Variants in AGAP1 observed in about 807,000 individuals in gnomAD.
AGAP1 encodes the protein ArfGAP with GTPase domain, ankyrin repeat and PH domain 1.
In AGAP1, 29 loss-of-function variants were observed where a neutral mutation model predicts 105.3. The ratio of observed to expected loss-of-function variants is 0.28; its 90% confidence interval spans 0.21 to 0.38. AGAP1 has a LOEUF of 0.38. AGAP1 is among the 10% of genes least tolerant of loss of function. The pLI, the probability that AGAP1 is intolerant of heterozygous loss-of-function variation, is 1.00. For synonymous variants in AGAP1, 509 were observed against 485.9 expected (o/e 1.05, Z -0.63); for missense variants, 998 against 1,165.1 (o/e 0.86, Z 2.09).
Position 235,845,307 on chromosome 2 carries a change from G to A in AGAP1, c.1050+37976G>A, listed in dbSNP as rs1373353042. ...CTGAGTCTGTAACTAATCCAGCTCAGACCACATGTATGGTGTGCTCAGGGG... is the reference window on the plus strand; with the variant it reads ...CTGAGTCTGTAACTAATCCAGCTCAAACCACATGTATGGTGTGCTCAGGGG... On this transcript the variant is annotated intron_variant, in intron 9 of 17. Coordinates refer to ENST00000304032, the MANE Select transcript of AGAP1 (RefSeq NM_001037131.3). The surrounding 1 kb of genome is among the most constrained non-coding windows in gnomAD (Gnocchi z 4.8). Among the ~76,000 whole-genome samples, 1 of 152,156 alleles carries A rather than the reference G, an allele frequency of 6.6e-6. No homozygotes were observed. Among genetic ancestry groups the A allele is most frequent in the African/African-American group, 2.4e-5 (1 of 41,452 alleles).
intron 1 of AGAP1, among the ~76,000 whole-genome samples, chr2:235,685,765 C>T (rs1346118047): frequency 6.6e-6 from 1 of 152,080 alleles, no homozygotes; most frequent in African/African-American, 2.4e-5. Context: ...CTCAGTTAAT[C>T]TTGAAAGTTT....
chr2:235,731,333 G>A (rs915827538), intron 3 of AGAP1, among the ~76,000 whole-genome samples: 1 of 152,176 alleles, frequency 6.6e-6, no homozygotes, highest in African/African-American at 2.4e-5. Context: ...TCTGACTTTA[G>A]GAACATGCCA....
rs60330965 is a variant in AGAP1 at position 235,581,134 on chromosome 2, C to CAA, written c.163+86309_163+86310dup. 4.0e-3 allele frequency among the ~76,000 whole-genome samples: 352 copies of CAA among 88,190 alleles called. 4 individuals carry two copies. Among genetic ancestry groups the CAA allele is most frequent in the African/African-American group, 0.014 (330 of 24,352 alleles). 57.9% of individuals were successfully genotyped at this position (88,190 alleles called of 152,430 possible). ...CAACATGGTGAAACCCCATCTCAAGCAAAAAAAAAAAAAAAAAAAAAAAAA... is the reference window on the plus strand; with the variant it reads ...CAACATGGTGAAACCCCATCTCAAGCAAAAAAAAAAAAAAAAAAAAAAAAAAA... On this transcript the variant is annotated intron_variant, in intron 1 of 17. Coordinates refer to ENST00000304032, the MANE Select transcript of AGAP1 (RefSeq NM_001037131.3).
intron 16 of AGAP1, among the ~76,000 whole-genome samples, chr2:236,117,892 G>T (rs2059808744): frequency 6.6e-6 from 1 of 152,096 alleles, no homozygotes; most frequent in Non-Finnish European, 1.5e-5. Context: ...TGCCCGAGTG[G>T]GGTGCAGGGG....
At chr2:235,827,789 A>G (rs902582726) in intron 9 of AGAP1, among the ~76,000 whole-genome samples, 4 of 152,236 alleles carry the variant, frequency 2.6e-5, no homozygotes, top group African/African-American at 9.6e-5. Context: ...TACTGGAGAA[A>G]TGTAGGCCTT....
chr2:236,125,124 CT>C lies in AGAP1; in HGVS notation c.*1006del. Reference sequence around the variant, plus strand: ...CCGACTGTAAGAGATATTTGATGTCCTTTTGCCGAGGTGGATGTGTTAGTCT... The same window carrying C: ...CCGACTGTAAGAGATATTTGATGTCCTTTGCCGAGGTGGATGTGTTAGTCT... On this transcript the variant is annotated 3_prime_UTR_variant, in exon 18 of 18. Coordinates refer to ENST00000304032, the MANE Select transcript of AGAP1 (RefSeq NM_001037131.3). This position sits in a 1 kb window ranked among gnomAD's most constrained non-coding sequence, Gnocchi z 5.2. 6.1e-6 allele frequency: 1 copy of C among 163,620 alleles called. No individual in the cohort carries two copies. The allele number at this position is 163,620 out of a possible 1,614,324, so 10.1% of individuals were successfully genotyped here.
chr2:235,652,974 G>A lies in AGAP1; in HGVS notation c.164-56205G>A, dbSNP rs549495467. On this transcript the variant is annotated intron_variant, in intron 1 of 17. Coordinates refer to ENST00000304032, the MANE Select transcript of AGAP1 (RefSeq NM_001037131.3). The stretch of plus-strand genomic sequence containing the variant: ...GGGGGACAGAGCCAGACTCTGTCTC[G>A]AAAAACAAGAACGATACCAGTAGGT... Among the ~76,000 whole-genome samples, 15 of 152,114 alleles carry A rather than the reference G, an allele frequency of 9.9e-5. No homozygotes were observed. The South Asian group carries it at 1.5e-3, about 15-fold the overall frequency.
intron 1 of AGAP1, among the ~76,000 whole-genome samples, chr2:235,606,309 G>C (rs1467253154): frequency 2.0e-5 from 3 of 152,190 alleles, no homozygotes. Context: ...ACCGCTGAGA[G>C]CCGATCATGT....
chr2:235,733,310 A>T lies in AGAP1; in HGVS notation c.311-7653A>T, dbSNP rs1952056604. 6.6e-6 allele frequency among the ~76,000 whole-genome samples: 1 copy of T among 152,160 alleles called. No homozygotes were observed. Among genetic ancestry groups the T allele is most frequent in the African/African-American group, 2.4e-5 (1 of 41,444 alleles). ...CCATTCCTCAGTCAGGAGACGAAAA[A>T]GATGAGGCCACGGCTGCCCCTTCTG... On this transcript the variant is annotated intron_variant, in intron 3 of 17. Coordinates refer to ENST00000304032, the MANE Select transcript of AGAP1 (RefSeq NM_001037131.3). The surrounding 1 kb of genome is among the most constrained non-coding windows in gnomAD (Gnocchi z 5.0).
intron 1 of AGAP1, among the ~76,000 whole-genome samples, chr2:235,511,117 C>G (rs1370772468): frequency 2.0e-5 from 3 of 152,110 alleles, no homozygotes; most frequent in African/African-American, 4.8e-5. Flanking sequence ...TGGCACGTGG[C>G]AGGTGGAGGT....
In AGAP1 at chr2:235,799,627, A is replaced by AT; in HGVS notation, c.957+106dup. 3.2e-6 allele frequency: 4 copies of AT among 1,264,962 alleles called. No individual in the cohort carries two copies. The highest frequency in any genetic ancestry group is 4.4e-6 in the Non-Finnish European group (4 of 917,426). 78.4% of individuals were successfully genotyped at this position (1,264,962 alleles called of 1,614,324 possible). On this transcript the variant is annotated intron_variant, in intron 8 of 17. Transcript: ENST00000304032. The surrounding 1 kb of genome is among the most constrained non-coding windows in gnomAD (Gnocchi z 5.0). Reference sequence around the variant, plus strand: ...CAGTGGTATTTGTAGAATCTCAACTATATTAAAGTGAATAACATTGATTTC... The same window carrying AT: ...CAGTGGTATTTGTAGAATCTCAACTATTATTAAAGTGAATAACATTGATTTC...
chr2:235,853,131 C>T, intron 9 of AGAP1: 1 of 1,185,926 alleles, frequency 8.4e-7, no homozygotes, highest in Non-Finnish European at 1.0e-6. Flanking sequence ...AAGAAAAAAA[C>T]ATTTACTGGC....
Position 235,674,813 on chromosome 2 carries a change from C to T in AGAP1, c.164-34366C>T, listed in dbSNP as rs144065883. On this transcript the variant is annotated intron_variant, in intron 1 of 17. Transcript: ENST00000304032. ...AAGCAATTCTCCTCCCTCAGCCTCC[C>T]CAGTAGCTGGGACTAGAGGCGCATG... Among the ~76,000 whole-genome samples the T allele has an allele frequency of 5.0e-3, 757 of 151,690 alleles. 7 individuals carry two copies. Among genetic ancestry groups the T allele is most frequent in the African/African-American group, 0.016 (666 of 41,382 alleles).
intron 6 of AGAP1, among the ~76,000 whole-genome samples, chr2:235,780,162 G>A (rs538192736): frequency 1.3e-5 from 2 of 152,276 alleles, no homozygotes; most frequent in East Asian, 1.9e-4. Flanking sequence ...TCTTGATACA[G>A]TGGTGCCTAA....
intron 1 of AGAP1, among the ~76,000 whole-genome samples, chr2:235,518,072 G>A (rs1478252663): frequency 6.6e-6 from 1 of 152,226 alleles, no homozygotes; most frequent in Non-Finnish European, 1.5e-5. Flanking sequence ...CTCCGAAGGT[G>A]CAGCGCAGGG....
chr2:235,777,064 TAGAC>T lies in AGAP1; in HGVS notation c.674-20691_674-20688del, dbSNP rs1326692368. On this transcript the variant is annotated intron_variant, in intron 6 of 17. Coordinates refer to ENST00000304032, the MANE Select transcript of AGAP1 (RefSeq NM_001037131.3). The surrounding 1 kb of genome is among the most constrained non-coding windows in gnomAD (Gnocchi z 5.1). Reference sequence around the variant, plus strand: ...ATCCTGCAGAGAAACGAGGAAGTATTAGACAGAAGTGATGCTGGGCGCGGTGGCT... The same window carrying T: ...ATCCTGCAGAGAAACGAGGAAGTATTAGAAGTGATGCTGGGCGCGGTGGCT... 8.5e-6 allele frequency: 4 copies of T among 471,028 alleles called. No individual in the cohort carries two copies. The highest frequency in any genetic ancestry group is 1.8e-5 in the Non-Finnish European group (4 of 227,064). The allele number at this position is 471,028 out of a possible 1,614,324, so 29.2% of individuals were successfully genotyped here.
chr2:235,746,073 C>T (rs1179290791), intron 5 of AGAP1, among the ~76,000 whole-genome samples: 1 of 152,064 alleles, frequency 6.6e-6, no homozygotes, highest in Non-Finnish European at 1.5e-5. Context: ...TTGCAGTGAG[C>T]TGAGATCACG....
chr2:235,646,491 C>T (rs990079454), intron 1 of AGAP1, among the ~76,000 whole-genome samples: 4 of 152,164 alleles, frequency 2.6e-5, no homozygotes, highest in South Asian at 2.1e-4. Flanking sequence ...CAAAACCAGA[C>T]GTCAGCTTGC....
intron 1 of AGAP1, among the ~76,000 whole-genome samples, chr2:235,543,038 G>A (rs1039809992): frequency 1.2e-4 from 18 of 151,550 alleles, no homozygotes; most frequent in Non-Finnish European, 2.2e-4. Context: ...GAGTTGAGCC[G>A]GGAGCCACAG....
Sources: allele counts gnomAD v4.1 joint callset (sites outside exome capture counted in the v4.1 genomes callset), GRCh38; gene constraint gnomAD v4.1.1; non-coding constraint Gnocchi (gnomAD v3.1); transcripts MANE v1.5; gene names NCBI Gene and HGNC (gene_info 2026-07-23, HGNC 2026-07-21).